The following MYO3B variants were observed in gnomAD, a reference collection of about 807,000 sequenced individuals.
MYO3B encodes the protein myosin IIIB.
In MYO3B, 156 loss-of-function variants were observed where a neutral mutation model predicts 174.6. The observed-to-expected ratio is 0.89, with a 90% CI of 0.78 to 1.02. The LOEUF is 1.02. MYO3B is among the 50% of genes least tolerant of loss of function. The pLI, the probability that MYO3B is intolerant of heterozygous loss-of-function variation, is 0.00. For missense variants in MYO3B, 1,632 were observed against 1,639.4 expected (o/e 1.00, Z 0.08); for synonymous variants, 563 against 569.1 (o/e 0.99, Z 0.15).
At chr2:170,366,037 A>G (rs73016999) in intron 8 of MYO3B, among the ~76,000 whole-genome samples, 2,179 of 152,180 alleles carry the variant, frequency 0.014, 56 homozygotes, top group African/African-American at 0.05. Context: ...GAGGGAGTGA[A>G]GTGAAAATGC....
intron 33 of MYO3B, 22 bp downstream of exon 33, chr2:170,651,756 A>G: frequency 6.3e-7 from 1 of 1,592,680 alleles, no homozygotes; most frequent in East Asian, 2.2e-5. Flanking sequence ...GTGGCCGTAA[A>G]GCTGTTTCAC....
intron 7 of MYO3B, among the ~76,000 whole-genome samples, chr2:170,312,032 G>A (rs1337028502): frequency 6.6e-6 from 1 of 152,160 alleles, no homozygotes; most frequent in Non-Finnish European, 1.5e-5. Flanking sequence ...ATAAGAAAGT[G>A]TGAGTGCTCT....
chr2:170,401,549 C>T lies in MYO3B; in HGVS notation c.1987C>T (p.Arg663Trp), dbSNP rs199555443. The stretch of plus-strand genomic sequence containing the variant: ...CCTCACCTCCCACTGTGTGGTCACC[C>T]GGGGCGAGACCATCATCCGTGCCAA... ...EALTSHCVVT[R>W]GETIIRANTV... Residue 663 changes from arginine (R) to tryptophan (W), a missense_variant, in exon 18 of 35, where the codon CGG (arginine) becomes TGG (tryptophan). Arg to Trp is a moderately radical substitution (Grantham distance 101). Transcript: ENST00000408978. 7 of 1,614,016 alleles carry T rather than the reference C, an allele frequency of 4.3e-6. No homozygotes were observed. Among genetic ancestry groups the T allele is most frequent in the Admixed American group, 3.3e-5 (2 of 60,000 alleles).
chr2:170,348,143 C>G (rs1421061263), intron 8 of MYO3B: 1 of 152,146 alleles, frequency 6.6e-6, no homozygotes, highest in African/African-American at 2.4e-5. Flanking sequence ...AAAATTAAAG[C>G]AAAATATAAT....
chr2:170,385,120 AG>A (rs949641494), intron 12 of MYO3B, among the ~76,000 whole-genome samples: 2 of 151,966 alleles, frequency 1.3e-5, no homozygotes, highest in African/African-American at 4.8e-5. Flanking sequence ...GTATGGGGGG[AG>A]GAAGGGGGCA....
chr2:170,553,832 G>A (rs541160959), intron 32 of MYO3B, among the ~76,000 whole-genome samples: 34 of 152,210 alleles, frequency 2.2e-4, no homozygotes, highest in Admixed American at 1.3e-3. Flanking sequence ...TCATGGGGGC[G>A]GATTTCCCCC....
At chr2:170,268,890 C>T (rs188299802) in intron 7 of MYO3B, among the ~76,000 whole-genome samples, 1 of 152,068 alleles carries the variant, frequency 6.6e-6, no homozygotes, top group African/African-American at 2.4e-5. Context: ...CCATTCAAAA[C>T]ATGAAAAAGA....
chr2:170,390,258 GTC>G (rs796177071), intron 14 of MYO3B, among the ~76,000 whole-genome samples: 126 of 152,246 alleles, frequency 8.3e-4, no homozygotes, highest in African/African-American at 2.8e-3. Context: ...GTGAGACTCT[GTC>G]TCTACAAACA....
At chr2:170,422,725 G>A (rs1015077736) in intron 22 of MYO3B, among the ~76,000 whole-genome samples, 5 of 151,772 alleles carry the variant, frequency 3.3e-5, no homozygotes, top group Non-Finnish European at 4.4e-5. Flanking sequence ...CAAAGTGCTG[G>A]GATTACAGGT....
At chr2:170,441,202 A>C (rs1005681951) in intron 22 of MYO3B, among the ~76,000 whole-genome samples, 2 of 152,222 alleles carry the variant, frequency 1.3e-5, no homozygotes, top group African/African-American at 4.8e-5. Flanking sequence ...TCTACATATA[A>C]AATTGTGAAC....
At position 170,496,656 on chromosome 2, in the gene MYO3B, T is replaced by A. The variant is rs182633750; in HGVS notation, c.3015-1936T>A. 6.1e-3 allele frequency among the ~76,000 whole-genome samples: 908 copies of A among 150,014 alleles called. 7 individuals carry two copies. The highest frequency in any genetic ancestry group is 0.019 in the African/African-American group (794 of 41,156). ...TATTTTTATATATATGTATATTTTT[T>A]AATTTTGAGACAAGATCTCCTTGTG... On this transcript the variant is annotated intron_variant, in intron 25 of 34. Transcript: ENST00000408978.
chr2:170,469,305 A>G (rs1002998759), intron 25 of MYO3B, among the ~76,000 whole-genome samples: 1 of 152,224 alleles, frequency 6.6e-6, no homozygotes. Context: ...ACAAGAAGGC[A>G]GGAATATACA....
At chr2:170,556,541 G>A (rs1413486295) in intron 32 of MYO3B, among the ~76,000 whole-genome samples, 1 of 149,794 alleles carries the variant, frequency 6.7e-6, no homozygotes, top group Non-Finnish European at 1.5e-5. Flanking sequence ...TTTTTTTTGA[G>A]ACAGAGTTTA....
At chr2:170,388,575 A>G (rs1432082737) in intron 14 of MYO3B, among the ~76,000 whole-genome samples, 1 of 152,170 alleles carries the variant, frequency 6.6e-6, no homozygotes, top group Non-Finnish European at 1.5e-5. Context: ...GAACGTTTTC[A>G]AGCAGGGGAG....
chr2:170,417,855 G>T (rs1315898745), intron 22 of MYO3B, among the ~76,000 whole-genome samples: 3 of 152,136 alleles, frequency 2.0e-5, no homozygotes, highest in Admixed American at 6.5e-5. Flanking sequence ...TCCAAATAAG[G>T]TCACATTCTG....
At chr2:170,615,604 G>A (rs530291782) in intron 32 of MYO3B, among the ~76,000 whole-genome samples, 12 of 152,310 alleles carry the variant, frequency 7.9e-5, no homozygotes, top group African/African-American at 2.6e-4. Context: ...GGCTTAAAAC[G>A]GCAAACATTT....
At chr2:170,350,626 A>G (rs1322319215) in intron 8 of MYO3B, 1 of 152,250 alleles carries the variant, frequency 6.6e-6, no homozygotes, top group East Asian at 1.9e-4. Flanking sequence ...AGGCCTGTGA[A>G]TGCAACTTTA....
intron 7 of MYO3B, among the ~76,000 whole-genome samples, chr2:170,244,002 A>C (rs2093163779): frequency 6.6e-6 from 1 of 152,216 alleles, no homozygotes; most frequent in African/African-American, 2.4e-5. Flanking sequence ...CAGGAACTGC[A>C]CATGAGGAAG....
At chr2:170,558,333 G>A (rs1300222247) in intron 32 of MYO3B, among the ~76,000 whole-genome samples, 1 of 151,412 alleles carries the variant, frequency 6.6e-6, no homozygotes, top group Non-Finnish European at 1.5e-5. Flanking sequence ...AAACGAAAAT[G>A]GACAGTATAA....
Sources: gnomAD v4.1 joint callset for allele counts (sites outside exome capture counted in the v4.1 genomes callset) on GRCh38, gnomAD v4.1.1 for gene constraint, MANE v1.5 for transcripts, NCBI Gene and HGNC (gene_info 2026-07-23, HGNC 2026-07-21) for gene names.